Variants in C17orf75 observed in about 807,000 individuals in gnomAD.
C17orf75 encodes chromosome 17 open reading frame 75, also known as protein Njmu-R1.
Under a neutral mutation model 49.6 loss-of-function variants are expected in C17orf75, and 32 were observed. The observed-to-expected ratio is 0.65, with a 90% CI of 0.49 to 0.87. The LOEUF is 0.87. Among genes scored for constraint, C17orf75 ranks in the 40% least tolerant of loss-of-function variants. C17orf75 has a pLI of 0.00. For synonymous variants in C17orf75, 158 were observed against 159.5 expected (o/e 0.99, Z 0.07); for missense variants, 428 against 473.9 (o/e 0.90, Z 0.90).
At chr17:32,349,261 C>T (rs2041459063) in intron 1 of C17orf75, among the ~76,000 whole-genome samples, 1 of 152,186 alleles carries the variant, frequency 6.6e-6, no homozygotes, top group Admixed American at 6.5e-5. Flanking sequence ...CTTTCCTTCA[C>T]CTTGCTTGCT....
At chr17:32,341,145 G>A in intron 2 of C17orf75, 59 bp downstream of exon 2, 2 of 1,550,316 alleles carry the variant, frequency 1.3e-6, no homozygotes, top group Non-Finnish European at 1.8e-6. Flanking sequence ...GACATGTACA[G>A]GCCAGAGATG....
chr17:32,342,330 A>T, upstream of C17orf75: 1 of 912,268 alleles, frequency 1.1e-6, no homozygotes, highest in Non-Finnish European at 1.5e-6. Flanking sequence ...AGGCGTACTG[A>T]GTTCGCCTTT....
At position 32,335,391 on chromosome 17, in the gene C17orf75, C is replaced by T. The variant is rs780458674; in HGVS notation, c.601G>A (p.Asp201Asn). 2 of 1,613,816 alleles carry T rather than the reference C, an allele frequency of 1.2e-6. No homozygotes were observed. Among genetic ancestry groups the T allele is most frequent in the African/African-American group, 1.3e-5 (1 of 74,936 alleles). ...IKSYLSSWFE[D>N]VVCPIQRVVL... ...ACCCTTTGGATTGGGCATACAACAT[C>T]CTCAAACCAGCTGCTCAGATAGGAT... The change falls in exon 6 of 10, where the codon GAT becomes AAT. Residue 201 changes from aspartate (D) to asparagine (N), a missense_variant. Asp to Asn is a conservative substitution (Grantham distance 23). Coordinates refer to ENST00000577809, the MANE Select transcript of C17orf75 (RefSeq NM_022344.4).
upstream of C17orf75, among the ~76,000 whole-genome samples, chr17:32,345,519 C>T (rs991854337): frequency 6.6e-6 from 1 of 150,422 alleles, no homozygotes; most frequent in Admixed American, 6.7e-5. Context: ...TATGATTGGA[C>T]ATCGAATTCT....
chr17:32,335,353 A>G lies in C17orf75; in HGVS notation c.639T>C (p.Phe213=). The change falls in exon 6 of 10, where the codon TTT becomes TTC. Residue 213 remains phenylalanine (F), a synonymous_variant. Transcript: ENST00000577809. The part of the protein sequence containing the change: ...VCPIQRVVLL[F]QEKLTFLLHA... Reference sequence around the variant, plus strand: ...GTAGCAGAAAGGTAAGCTTTTCCTGAAAGAGAAGAACAACCCTTTGGATTG... The same window carrying G: ...GTAGCAGAAAGGTAAGCTTTTCCTGGAAGAGAAGAACAACCCTTTGGATTG... 4 of 1,613,948 alleles carry G rather than the reference A, an allele frequency of 2.5e-6. No homozygotes were observed. Among genetic ancestry groups the G allele is most frequent in the Non-Finnish European group, 3.4e-6 (4 of 1,179,844 alleles).
intron 5 of C17orf75, among the ~76,000 whole-genome samples, chr17:32,337,609 T>TTTCA (rs1433157847): frequency 8.6e-4 from 131 of 152,328 alleles, no homozygotes; most frequent in Non-Finnish European, 1.2e-3. Context: ...TTTTTAACTC[T>TTTCA]GTCGCTCAGG....
intron 5 of C17orf75, 92 bp downstream of exon 5, chr17:32,337,805 C>G: frequency 1.8e-6 from 2 of 1,121,102 alleles, no homozygotes; most frequent in Non-Finnish European, 2.6e-6. Context: ...GATCTGCCCA[C>G]CTCGGCCTCC....
At chr17:32,348,112 G>C (rs2041439790) in intron 1 of C17orf75, among the ~76,000 whole-genome samples, 1 of 151,842 alleles carries the variant, frequency 6.6e-6, no homozygotes, top group African/African-American at 2.4e-5. Context: ...CCGCCTCCCG[G>C]GTTCAAGCGA....
At chr17:32,344,023 A>G, upstream of C17orf75, 3 of 677,424 alleles carry the variant, frequency 4.4e-6, no homozygotes, top group Non-Finnish European at 5.4e-6. Flanking sequence ...CACAGAACCA[A>G]AACTGGGTGC....
At chr17:32,339,272 T>C (rs1256113421) in intron 3 of C17orf75, among the ~76,000 whole-genome samples, 3 of 151,998 alleles carry the variant, frequency 2.0e-5, no homozygotes, top group Admixed American at 1.3e-4. Flanking sequence ...TCTGCTATAT[T>C]TCCCCTTTGT....
At chr17:32,349,258 T>C (rs1278413900) in intron 1 of C17orf75, among the ~76,000 whole-genome samples, 1 of 152,114 alleles carries the variant, frequency 6.6e-6, no homozygotes, top group Non-Finnish European at 1.5e-5. Context: ...ACCCTTTCCT[T>C]CACCTTGCTT....
At chr17:32,339,787 C>G in intron 3 of C17orf75, 26 bp downstream of exon 3, 2 of 1,611,748 alleles carry the variant, frequency 1.2e-6, no homozygotes, top group Non-Finnish European at 1.7e-6. Context: ...AATAAAAACT[C>G]AGGACACAGC....
chr17:32,337,672 C>G (rs565205003), intron 5 of C17orf75, among the ~76,000 whole-genome samples: 73 of 152,264 alleles, frequency 4.8e-4, no homozygotes, highest in African/African-American at 1.4e-3. Flanking sequence ...CTCCCGGGTT[C>G]AAGCGATTCT....
intron 9 of C17orf75, among the ~76,000 whole-genome samples, chr17:32,332,389 G>A (rs538130459): frequency 2.6e-5 from 4 of 152,170 alleles, no homozygotes; most frequent in South Asian, 2.1e-4. Flanking sequence ...TGATCCACCC[G>A]CCTCAGCCTC....
At chr17:32,342,384 A>C (rs151137638), upstream of C17orf75, 186 of 466,244 alleles carry the variant, frequency 4.0e-4, no homozygotes, top group African/African-American at 3.5e-3. Context: ...TTTTCCTTTG[A>C]GACATCTGGG....
In C17orf75 at chr17:32,339,779, T is replaced by C. The variant is rs1012468029; in HGVS notation, c.347+34A>G. 6 of 1,607,792 alleles carry C rather than the reference T, an allele frequency of 3.7e-6. No individual in the cohort carries two copies. The Admixed American group carries it at 5.2e-5, about 14-fold the overall frequency. On this transcript the variant is annotated intron_variant, in intron 3 of 9. Transcript: ENST00000577809. ...TCACTTCTCATATTTAGTTCAGAAATAAAAACTCAGGACACAGCACATTTT... is the reference window on the plus strand; with the variant it reads ...TCACTTCTCATATTTAGTTCAGAAACAAAAACTCAGGACACAGCACATTTT...
At chr17:32,348,984 T>G (rs959138843) in intron 1 of C17orf75, among the ~76,000 whole-genome samples, 1 of 150,852 alleles carries the variant, frequency 6.6e-6, no homozygotes, top group Non-Finnish European at 1.5e-5. Context: ...TCCTGCCTCA[T>G]TCTCCCGAGT....
At chr17:32,346,612 T>G (rs775796046), upstream of C17orf75, among the ~76,000 whole-genome samples, 1 of 152,186 alleles carries the variant, frequency 6.6e-6, no homozygotes, top group Admixed American at 6.5e-5. Context: ...CTCGCTCTGT[T>G]GCCAGGCTGG....
upstream of C17orf75, among the ~76,000 whole-genome samples, chr17:32,345,798 G>A (rs991407877): frequency 1.3e-5 from 2 of 151,896 alleles, no homozygotes; most frequent in African/African-American, 2.4e-5. Context: ...TGCCCTCTTC[G>A]GCTTCCCAAA....
Sources: gnomAD v4.1 joint callset for allele counts (sites outside exome capture counted in the v4.1 genomes callset) on GRCh38, gnomAD v4.1.1 for gene constraint, MANE v1.5 for transcripts, NCBI Gene and HGNC (gene_info 2026-07-23, HGNC 2026-07-21) for gene names.